The following GPA33 variants were observed in gnomAD, a reference collection of about 807,000 sequenced individuals.
GPA33 encodes cell surface A33 antigen.
In GPA33, 27 loss-of-function variants were observed where a neutral mutation model predicts 35.6. The ratio of observed to expected loss-of-function variants is 0.76; its 90% CI spans 0.56 to 1.04. The LOEUF (loss-of-function observed/expected upper bound fraction) is 1.04. GPA33 is among the 50% of genes least tolerant of loss of function. The pLI is 0.00. For missense variants in GPA33, 428 were observed against 411.9 expected (o/e 1.04, Z -0.34); for synonymous variants, 176 against 164.0 (o/e 1.07, Z -0.56).
chr1:167,070,620 T>C (rs1440229494), intron 2 of GPA33, among the ~76,000 whole-genome samples: 2 of 152,142 alleles, frequency 1.3e-5, no homozygotes, highest in Non-Finnish European at 1.5e-5. Context: ...CCTGAAGTGC[T>C]AGAGAGCCAT....
In GPA33 at chr1:167,069,808, G is replaced by A. The variant is rs184611473; in HGVS notation, c.199-670C>T. ...AACACCTGCCTCTCAGGACTGTAGT[G>A]AGAATTACAGTAGTAATATACACAA... On this transcript the variant is annotated intron_variant, in intron 2 of 6. Coordinates refer to ENST00000367868, the MANE Select transcript of GPA33 (RefSeq NM_005814.3). Among the ~76,000 whole-genome samples the A allele has an allele frequency of 2.8e-4, 43 of 152,350 alleles. No homozygotes were observed. The East Asian group carries it at 3.1e-3, about 11-fold the overall frequency.
chr1:167,062,411 G>A (rs1666476971), intron 4 of GPA33, among the ~76,000 whole-genome samples: 1 of 150,872 alleles, frequency 6.6e-6, no homozygotes, highest in Non-Finnish European at 1.5e-5. Context: ...TTGGAGACAG[G>A]GGTCTCACAA....
At chr1:167,055,600 G>A in intron 5 of GPA33, 130 bp downstream of exon 5, 2 of 986,034 alleles carry the variant, frequency 2.0e-6, no homozygotes, top group Non-Finnish European at 3.1e-6. Flanking sequence ...GGTCACCACA[G>A]CTAACCTGCA....
rs774532389 is a variant in GPA33 at position 167,063,741 on chromosome 1, T to C, written c.416-4A>G. 2 of 1,610,618 alleles carry C rather than the reference T, an allele frequency of 1.2e-6. No homozygotes were observed. The highest frequency in any genetic ancestry group is 1.7e-6 in the Non-Finnish European group (2 of 1,178,842). ...CATTCTGGTTTGGAGGGTGGCACTA[T>C]ATAGAGGAGAGACCAAAGAGAAGGC... On this transcript the variant is annotated splice_polypyrimidine_tract_variant and splice_region_variant and intron_variant, in intron 3 of 6. Coordinates refer to ENST00000367868, the MANE Select transcript of GPA33 (RefSeq NM_005814.3).
intron 1 of GPA33, among the ~76,000 whole-genome samples, chr1:167,081,706 C>T (rs1030645954): frequency 1.3e-5 from 2 of 152,218 alleles, no homozygotes; most frequent in African/African-American, 4.8e-5. Context: ...TCCCGAGCCA[C>T]TTCGGGCAGA....
chr1:167,086,521 C>T (rs1370672201), intron 1 of GPA33, among the ~76,000 whole-genome samples: 1 of 152,208 alleles, frequency 6.6e-6, no homozygotes, highest in African/African-American at 2.4e-5. Flanking sequence ...CAGGGACCAA[C>T]CCACACCTGT....
At chr1:167,072,779 G>T (rs1666745206) in intron 2 of GPA33, among the ~76,000 whole-genome samples, 1 of 152,028 alleles carries the variant, frequency 6.6e-6, no homozygotes. Context: ...TATGTGTGTA[G>T]TATATGTAAA....
chr1:167,065,357 C>T (rs1259420513), intron 3 of GPA33, among the ~76,000 whole-genome samples: 1 of 152,194 alleles, frequency 6.6e-6, no homozygotes, highest in African/African-American at 2.4e-5. Context: ...GAGTGAACAG[C>T]ATGTGCAAAG....
chr1:167,076,453 G>A (rs1227963339), intron 1 of GPA33, among the ~76,000 whole-genome samples: 5 of 152,284 alleles, frequency 3.3e-5, no homozygotes, highest in East Asian at 1.9e-4. Context: ...GCTGAAGACC[G>A]TCCCCCCGCC....
intron 4 of GPA33, among the ~76,000 whole-genome samples, chr1:167,062,668 C>G (rs1350768740): frequency 9.6e-5 from 2 of 20,728 alleles, no homozygotes; most frequent in Non-Finnish European, 1.1e-4. Context: ...TTTTTTTTTT[C>G]AGTTTCCTGA....
intron 3 of GPA33, among the ~76,000 whole-genome samples, chr1:167,065,614 C>T (rs1666574491): frequency 6.6e-6 from 1 of 152,162 alleles, no homozygotes; most frequent in Non-Finnish European, 1.5e-5. Flanking sequence ...CTCGGCCCCA[C>T]CCGGCAGCTG....
rs748117218 is a variant in GPA33 at position 167,055,018 on chromosome 1, C to A, written c.785G>T (p.Arg262Leu). 8 of 1,613,918 alleles carry A rather than the reference C, an allele frequency of 5.0e-6. No individual in the cohort carries two copies. Among genetic ancestry groups the A allele is most frequent in the Non-Finnish European group, 6.8e-6 (8 of 1,180,036 alleles). The change falls in exon 6 of 7, where the codon CGA becomes CTA. Residue 262 changes from arginine to leucine, a missense_variant. Physicochemically the swap from Arg to Leu is moderately radical, Grantham distance 102. Coordinates refer to ENST00000367868, the MANE Select transcript of GPA33 (RefSeq NM_005814.3). ...GTCTTCAGTGTTGTCGTCCTTCCCT[C>A]GGCAGCAGCAGCAGTAGATGATGAT... Reference protein sequence around the residue: ...IGIIIYCCCCRGKDDNTEDKE... With the variant: ...IGIIIYCCCCLGKDDNTEDKE...
chr1:167,083,975 G>T (rs1286334330), intron 1 of GPA33, among the ~76,000 whole-genome samples: 1 of 152,122 alleles, frequency 6.6e-6, no homozygotes, highest in African/African-American at 2.4e-5. Context: ...GACAAATCCT[G>T]CTATCCACCC....
Position 167,055,076 on chromosome 1 carries a change from C to G in GPA33, c.727G>C (p.Val243Leu). ...ATAATGAGGGCTGCAACCACGCCCACCGCGATGCCCACATACAGGGCCACG... is the reference window on the plus strand; with the variant it reads ...ATAATGAGGGCTGCAACCACGCCCAGCGCGATGCCCACATACAGGGCCACG... ...MNVALYVGIA[V>L]GVVAALIIIG... The change falls in exon 6 of 7, where the codon GTG becomes CTG. Residue 243 changes from valine (V) to leucine (L), a missense_variant. Coordinates refer to ENST00000367868, the MANE Select transcript of GPA33 (RefSeq NM_005814.3). 1.9e-6 allele frequency: 3 copies of G among 1,613,716 alleles called. No homozygotes were observed. The highest frequency in any genetic ancestry group is 2.5e-6 in the Non-Finnish European group (3 of 1,180,008).
Position 167,083,011 on chromosome 1 carries a change from T to C in GPA33, c.43+7234A>G, listed in dbSNP as rs140075482. 6.6e-5 allele frequency among the ~76,000 whole-genome samples: 10 copies of C among 152,118 alleles called. No individual in the cohort carries two copies. In the East Asian group the frequency reaches 1.7e-3, roughly 27 times the overall value. ...CACAGAGCAGGCAGAGAGAAGACGA[T>C]GGAGGGCAAAACCTGAGTGCTGCCA... On this transcript the variant is annotated intron_variant, in intron 1 of 6. Transcript: ENST00000367868.
intron 1 of GPA33, among the ~76,000 whole-genome samples, chr1:167,080,017 G>C (rs1351406339): frequency 6.6e-6 from 1 of 152,158 alleles, no homozygotes; most frequent in African/African-American, 2.4e-5. Flanking sequence ...CTCATTTTTA[G>C]AGTCTTCCAG....
rs1237963963 is a variant in GPA33, at chr1:167,056,741, GT to G, written c.572-893del. On this transcript the variant is annotated intron_variant, in intron 4 of 6. Coordinates refer to ENST00000367868, the MANE Select transcript of GPA33 (RefSeq NM_005814.3). ...GTGTAGTGTGTGATGTATGTGGTGT[GT>G]GTGGTGTGTGTATGGCGTGTGTGTG... 6.3e-4 allele frequency among the ~76,000 whole-genome samples: 88 copies of G among 140,564 alleles called. 1 individual carries two copies. Among genetic ancestry groups the G allele is most frequent in the South Asian group, 7.2e-4 (3 of 4,194 alleles). The allele number at this position is 140,564 out of a possible 152,430, so 92.2% of individuals were successfully genotyped here.
chr1:167,086,267 G>T (rs527873444), intron 1 of GPA33, among the ~76,000 whole-genome samples: 1 of 152,372 alleles, frequency 6.6e-6, no homozygotes, highest in South Asian at 2.1e-4. Flanking sequence ...ATTTAGGATT[G>T]GAATGGCAAC....
intron 3 of GPA33, 66 bp from the exon 4 acceptor site, chr1:167,063,803 C>A: frequency 1.6e-6 from 2 of 1,270,084 alleles, no homozygotes; most frequent in South Asian, 2.5e-5. Flanking sequence ...CCACCCACCC[C>A]TCCCCACCCA....
Sources: gnomAD v4.1 joint callset for allele counts (sites outside exome capture counted in the v4.1 genomes callset) on GRCh38, gnomAD v4.1.1 for gene constraint, MANE v1.5 for transcripts, NCBI Gene and HGNC (gene_info 2026-07-23, HGNC 2026-07-21) for gene names.